The following RBFOX1 variants were observed in gnomAD, a reference collection of about 807,000 sequenced individuals.
The protein encoded by RBFOX1 is RNA binding protein fox-1 homolog 1.
A neutral mutation model predicts 57.7 loss-of-function variants in RBFOX1; 8 were observed. That is an observed-to-expected ratio of 0.14 (90% confidence interval 0.08 to 0.25). The LOEUF is 0.25. Ranked by LOEUF, RBFOX1 falls within the 10% of genes least tolerant of loss-of-function variation. The pLI is 1.00. For missense variants in RBFOX1, 611 were observed against 548.5 expected (o/e 1.11, Z -1.14); for synonymous variants, 326 against 222.4 (o/e 1.47, Z -4.15).
chr16:7,475,115 G>A (rs1397441680), intron 4 of RBFOX1, among the ~76,000 whole-genome samples: 1 of 152,086 alleles, frequency 6.6e-6, no homozygotes, highest in Non-Finnish European at 1.5e-5. Context: ...CCTCTTTCAT[G>A]GCCCCGAGCT....
chr16:6,929,395 C>T (rs576292113), intron 3 of RBFOX1, among the ~76,000 whole-genome samples: 1 of 152,104 alleles, frequency 6.6e-6, no homozygotes, highest in Admixed American at 6.5e-5. Flanking sequence ...AAAATGACAT[C>T]CACAAGCAGT....
At chr16:7,567,526 C>T (rs1381444478) in intron 5 of RBFOX1, among the ~76,000 whole-genome samples, 18 of 97,676 alleles carry the variant, frequency 1.8e-4, no homozygotes, top group Non-Finnish European at 3.4e-4. Flanking sequence ...TATATATATC[C>T]CTATGTATGG....
rs74012236 is a variant in RBFOX1, at chr16:7,711,067, G to C, written c.*322G>C. On this transcript the variant is annotated 3_prime_UTR_variant, in exon 16 of 16. Coordinates refer to ENST00000550418, the MANE Select transcript of RBFOX1 (RefSeq NM_018723.4). The stretch of plus-strand genomic sequence containing the variant: ...ATCCAGAGTGCTATATTATGTAAAT[G>C]AATTATATATGCTGAATATTAAGCT... 3,841 of 207,038 alleles carry C rather than the reference G, an allele frequency of 0.019. 142 individuals carry two copies. Among genetic ancestry groups the C allele is most frequent in the African/African-American group, 0.077 (3,356 of 43,748 alleles). 12.8% of individuals were successfully genotyped at this position (207,038 alleles called of 1,614,324 possible).
intron 4 of RBFOX1, among the ~76,000 whole-genome samples, chr16:5,934,762 C>G (rs1233974934): frequency 6.6e-6 from 1 of 152,132 alleles, no homozygotes; most frequent in Non-Finnish European, 1.5e-5. Context: ...ATGTGGGGGA[C>G]TGACCCACAG....
intron 11 of RBFOX1, among the ~76,000 whole-genome samples, chr16:7,651,530 C>T (rs904537002): frequency 9.9e-5 from 15 of 152,174 alleles, no homozygotes; most frequent in African/African-American, 3.6e-4. Flanking sequence ...GCAACCCTCA[C>T]CTGGGTCCAT....
chr16:6,516,521 C>G (rs550314074), intron 2 of RBFOX1, among the ~76,000 whole-genome samples: 15 of 152,244 alleles, frequency 9.9e-5, no homozygotes, highest in African/African-American at 3.4e-4. Flanking sequence ...AGGAAAAACT[C>G]CTCAAACATA....
intron 2 of RBFOX1, among the ~76,000 whole-genome samples, chr16:5,558,355 G>A (rs564712642): frequency 6.6e-6 from 1 of 152,140 alleles, no homozygotes; most frequent in Non-Finnish European, 1.5e-5. Flanking sequence ...TGGAGGCAGA[G>A]CCCAAAAGCG....
intron 14 of RBFOX1, among the ~76,000 whole-genome samples, chr16:7,698,823 C>G (rs2079657274): frequency 1.3e-5 from 2 of 152,152 alleles, no homozygotes; most frequent in Admixed American, 1.3e-4. Context: ...TGAGAACCTT[C>G]TGTATATGAG....
intron 4 of RBFOX1, among the ~76,000 whole-genome samples, chr16:7,074,237 G>T (rs545373733): frequency 6.6e-6 from 1 of 152,218 alleles, no homozygotes; most frequent in Non-Finnish European, 1.5e-5. Context: ...TTGAAATATT[G>T]TAGGGTTTAT....
At chr16:5,911,627 G>A (rs542451047) in intron 4 of RBFOX1, among the ~76,000 whole-genome samples, 1 of 152,276 alleles carries the variant, frequency 6.6e-6, no homozygotes, top group East Asian at 1.9e-4. Flanking sequence ...TTGGGCTGAT[G>A]TAACAAAATA....
At chr16:7,257,948 G>A (rs554550220) in intron 4 of RBFOX1, among the ~76,000 whole-genome samples, 7 of 152,304 alleles carry the variant, frequency 4.6e-5, no homozygotes, top group Admixed American at 3.9e-4. Flanking sequence ...AGGAAAGGGG[G>A]AAAGAAAGCT....
At chr16:6,063,264 C>T (rs554413290) in intron 1 of RBFOX1, among the ~76,000 whole-genome samples, 2 of 152,112 alleles carry the variant, frequency 1.3e-5, no homozygotes, top group South Asian at 4.2e-4. Context: ...ACATGATATG[C>T]CAACTTGCTA....
intron 13 of RBFOX1, among the ~76,000 whole-genome samples, chr16:7,668,795 T>C (rs1473964585): frequency 1.3e-5 from 2 of 152,180 alleles, no homozygotes; most frequent in Non-Finnish European, 2.9e-5. Flanking sequence ...TCATTTTAAT[T>C]AAAAAGTGGA....
chr16:6,164,083 C>A (rs1318186833), intron 1 of RBFOX1, among the ~76,000 whole-genome samples: 1 of 152,170 alleles, frequency 6.6e-6, no homozygotes, highest in East Asian at 1.9e-4. Flanking sequence ...CTTTAGTCCT[C>A]ACGCTGTACT....
At chr16:6,558,982 G>C (rs556538194) in intron 2 of RBFOX1, among the ~76,000 whole-genome samples, 1 of 151,992 alleles carries the variant, frequency 6.6e-6, no homozygotes, top group Non-Finnish European at 1.5e-5. Flanking sequence ...CAAAAATGCC[G>C]CTTCCTCCAG....
At chr16:5,413,885 C>A (rs895942009) in intron 1 of RBFOX1, among the ~76,000 whole-genome samples, 4 of 151,950 alleles carry the variant, frequency 2.6e-5, no homozygotes, top group African/African-American at 4.8e-5. Flanking sequence ...TGATGTTTGC[C>A]CTTCCCATTC....
At chr16:6,991,028 G>A (rs992278582) in intron 3 of RBFOX1, among the ~76,000 whole-genome samples, 1 of 151,504 alleles carries the variant, frequency 6.6e-6, no homozygotes, top group South Asian at 2.1e-4. Context: ...CTGGCCAGGC[G>A]TGGTGGCTCA....
chr16:7,593,689 G>A (rs1057465138), intron 7 of RBFOX1, among the ~76,000 whole-genome samples: 1 of 151,908 alleles, frequency 6.6e-6, no homozygotes, highest in Non-Finnish European at 1.5e-5. Flanking sequence ...CCAACCAAAG[G>A]CAGTATTCCC....
intron 4 of RBFOX1, among the ~76,000 whole-genome samples, chr16:7,218,735 T>A (rs2092474911): frequency 6.6e-6 from 1 of 151,774 alleles, no homozygotes; most frequent in South Asian, 2.1e-4. Context: ...AAAGTGTTTT[T>A]TTTTTTTAAA....
Sources: gnomAD v4.1 joint callset for allele counts (sites outside exome capture counted in the v4.1 genomes callset) on GRCh38, gnomAD v4.1.1 for gene constraint, MANE v1.5 for transcripts, NCBI Gene and HGNC (gene_info 2026-07-23, HGNC 2026-07-21) for gene names.